The following PIEZO1 variants were observed in gnomAD, a reference collection of about 807,000 sequenced individuals.
PIEZO1 encodes piezo-type mechanosensitive ion channel component 1.
A neutral mutation model predicts 297.2 loss-of-function variants in PIEZO1; 296 were observed. The ratio of observed to expected loss-of-function variants is 1.00; its 90% CI spans 0.91 to 1.10. The LOEUF (loss-of-function observed/expected upper bound fraction) is 1.10. PIEZO1 is among the 50% of genes least tolerant of loss of function. The pLI is 0.00. For synonymous variants in PIEZO1, 2,427 were observed against 1,507.5 expected, an observed-to-expected ratio of 1.61 and a Z score of -14.13; for missense variants, 5,018 against 3,455.5, an observed-to-expected ratio of 1.45 and a Z score of -11.34.
chr16:88,778,952 T>C (rs1907801873), intron 1 of PIEZO1, among the ~76,000 whole-genome samples: 1 of 151,898 alleles, frequency 6.6e-6, no homozygotes, highest in African/African-American at 2.4e-5. Context: ...GCATGGCGCG[T>C]TCACCAGAGG....
intron 31 of PIEZO1, 55 bp downstream of exon 31, chr16:88,723,816 C>T (rs989198416): frequency 3.8e-5 from 37 of 964,730 alleles, no homozygotes; most frequent in Admixed American, 1.0e-4. Context: ...CTGCCCTGGT[C>T]CAGGACCACA....
intron 1 of PIEZO1, among the ~76,000 whole-genome samples, chr16:88,756,709 A>G (rs1245442646): frequency 6.6e-6 from 1 of 152,038 alleles, no homozygotes. Flanking sequence ...TGGAGGTTGC[A>G]GTGAGCTGAG....
chr16:88,756,269 A>C (rs1906648995), intron 1 of PIEZO1, among the ~76,000 whole-genome samples: 1 of 152,286 alleles, frequency 6.6e-6, no homozygotes, highest in Admixed American at 6.5e-5. Flanking sequence ...GCATGGAGGC[A>C]CCTGCCCAAC....
At chr16:88,718,126 A>G (rs1183949217) in intron 44 of PIEZO1, 3 of 197,846 alleles carry the variant, frequency 1.5e-5, no homozygotes, top group Non-Finnish European at 3.1e-5. Flanking sequence ...CCCAGAGAAG[A>G]TACACAAATG....
chr16:88,734,498 G>A lies in PIEZO1; in HGVS notation c.2038C>T (p.Leu680Phe), dbSNP rs1240723649. 3 of 1,548,204 alleles carry A rather than the reference G, an allele frequency of 1.9e-6. No individual in the cohort carries two copies. The Admixed American group carries it at 5.9e-5, about 30-fold the overall frequency. The change falls in exon 16 of 51, where the codon CTC (leucine) becomes TTC (phenylalanine). Residue 680 changes from leucine (L) to phenylalanine (F), a missense_variant. Transcript: ENST00000301015. Reference protein sequence around the residue: ...LGLEQFSVSELFSSILVPGFF... With the variant: ...LGLEQFSVSEFFSSILVPGFF... ...CCGGGCACCAGGATGCTGGAGAAGA[G>A]CTCGGACACGCTGAACTGCTCCAGG...
At chr16:88,764,729 C>T (rs1907091802) in intron 1 of PIEZO1, among the ~76,000 whole-genome samples, 2 of 142,502 alleles carry the variant, frequency 1.4e-5, no homozygotes, top group Admixed American at 7.2e-5. Flanking sequence ...CCAGCCTGGG[C>T]GACAAGAGTG....
chr16:88,723,399 G>T, intron 31 of PIEZO1, 71 bp from the exon 32 acceptor site: 2 of 1,506,870 alleles, frequency 1.3e-6, no homozygotes, highest in Non-Finnish European at 1.8e-6. Flanking sequence ...CTGGGGTTGG[G>T]CAAGCCGGGC....
intron 1 of PIEZO1, among the ~76,000 whole-genome samples, chr16:88,757,557 G>C (rs1906737544): frequency 6.6e-6 from 1 of 152,010 alleles, no homozygotes; most frequent in South Asian, 2.1e-4. Flanking sequence ...CAATGGGCTG[G>C]ACTGAGATCC....
chr16:88,750,553 G>A (rs116568279), intron 1 of PIEZO1, among the ~76,000 whole-genome samples: 281 of 152,298 alleles, frequency 1.8e-3, no homozygotes, highest in African/African-American at 6.1e-3. Flanking sequence ...CTGAGAGTCC[G>A]GCCAGTGCCT....
At chr16:88,721,768 C>T (rs749678048) in intron 37 of PIEZO1, 40 bp downstream of exon 37, 21 of 1,535,176 alleles carry the variant, frequency 1.4e-5, no homozygotes, top group Admixed American at 8.0e-5. Context: ...GGTCACGGCG[C>T]GGTGGGCCGG....
rs1912486321 is a variant in PIEZO1 at position 88,721,892 on chromosome 16, C to T, written c.5130G>A (p.Leu1710=). ...TGGCCCACAGGAAGACGAGCACGGG[C>T]AGCACCAGCGAGCCGGCGGAGGCCG... ...MVTASAGSLV[L]PVLVFLWAML... Residue 1710 remains leucine (L), a synonymous_variant, in exon 37 of 51, where the codon CTG becomes CTA. Coordinates refer to ENST00000301015, the MANE Select transcript of PIEZO1 (RefSeq NM_001142864.4). 3 of 1,550,080 alleles carry T rather than the reference C, an allele frequency of 1.9e-6. No individual in the cohort carries two copies. The highest frequency in any genetic ancestry group is 1.7e-6 in the Non-Finnish European group (2 of 1,146,792).
In PIEZO1 at chr16:88,749,391, G is replaced by A. The variant is rs769010171; in HGVS notation, c.153C>T (p.Gly51=). 1.5e-5 allele frequency: 23 copies of A among 1,505,010 alleles called. No homozygotes were observed. The South Asian group carries it at 1.5e-4, about 10-fold the overall frequency. The allele number at this position is 1,505,010 out of a possible 1,614,324, so 93.2% of individuals were successfully genotyped here. A position where few individuals can be genotyped will look rare whatever the true frequency, so the allele number is the denominator to read the frequency against. ...AGGGTCCCCTGGCCTTACCTTGGAG[G>A]CCGCATCGGGTGGGGCCGGGGAACC... The part of the protein sequence containing the change: ...LPWFPGPTRC[G]LQGHTGRLLR... Residue 51 remains glycine, a synonymous_variant, in exon 2 of 51, where the codon GGC becomes GGT. Transcript: ENST00000301015.
At chr16:88,784,828 T>C (rs1451172397) in intron 1 of PIEZO1, 73 bp downstream of exon 1, 2 of 1,114,722 alleles carry the variant, frequency 1.8e-6, no homozygotes, top group Non-Finnish European at 2.4e-6. Flanking sequence ...GCCGGCGTCG[T>C]CCGGTGTCCA....
chr16:88,781,900 G>C (rs772934229), intron 1 of PIEZO1, among the ~76,000 whole-genome samples: 8 of 152,232 alleles, frequency 5.3e-5, no homozygotes. Flanking sequence ...AGGAGGTGAC[G>C]CCCAGCTTGC....
rs1463090383 is a variant in PIEZO1 at position 88,725,403 on chromosome 16, C to T, written c.4162+13G>A. 1.4e-6 allele frequency: 2 copies of T among 1,419,838 alleles called. No individual in the cohort carries two copies. The highest frequency in any genetic ancestry group is 1.9e-6 in the Non-Finnish European group (2 of 1,077,560). The allele number at this position is 1,419,838 out of a possible 1,614,324, so 88.0% of individuals were successfully genotyped here. A position where few individuals can be genotyped will look rare whatever the true frequency, so the allele number is the denominator to read the frequency against. On this transcript the variant is annotated intron_variant, in intron 29 of 50. Transcript: ENST00000301015. ...ACACGGGGCCCTGGGTGCCCGACTC[C>T]AGCTGCACTCACCTGGCTCCAGGCC...
At chr16:88,781,795 A>C (rs1047839892) in intron 1 of PIEZO1, among the ~76,000 whole-genome samples, 1 of 152,250 alleles carries the variant, frequency 6.6e-6, no homozygotes, top group African/African-American at 2.4e-5. Flanking sequence ...GCCGCCTCCC[A>C]GGAGTGGTGA....
intron 27 of PIEZO1, 143 bp downstream of exon 27, chr16:88,726,141 T>C (rs1332944328): frequency 4.4e-6 from 3 of 678,546 alleles, no homozygotes; most frequent in Admixed American, 3.0e-5. Flanking sequence ...CGGCCTTCAT[T>C]CTCCCTCTAG....
At chr16:88,749,639 A>G (rs544382274) in intron 1 of PIEZO1, among the ~76,000 whole-genome samples, 160 bp from the exon 2 acceptor site, 190 of 152,332 alleles carry the variant, frequency 1.2e-3, no homozygotes, top group African/African-American at 4.4e-3. Context: ...GCGCTTCCGT[A>G]CATATCTCAC....
Position 88,732,751 on chromosome 16 carries a change from TCAGTGCCCCCTCCCAGGCCA to T in PIEZO1, c.2665-39_2665-20del. The T allele has an allele frequency of 1.3e-6, 2 of 1,531,292 alleles. No individual in the cohort carries two copies. Among genetic ancestry groups the T allele is most frequent in the African/African-American group, 1.4e-5 (1 of 72,886 alleles). The allele number at this position is 1,531,292 out of a possible 1,614,324, so 94.9% of individuals were successfully genotyped here. ...GGAAGGGCTGGCAAGAGGCCAGGCATCAGTGCCCCCTCCCAGGCCACAGTGCCCCCTGGCCCTGCCCGGAG... is the reference window on the plus strand; with the variant it reads ...GGAAGGGCTGGCAAGAGGCCAGGCATCAGTGCCCCCTGGCCCTGCCCGGAG... On this transcript the variant is annotated intron_variant, in intron 19 of 50. Coordinates refer to ENST00000301015, the MANE Select transcript of PIEZO1 (RefSeq NM_001142864.4).
Sources: allele counts gnomAD v4.1 joint callset (sites outside exome capture counted in the v4.1 genomes callset), GRCh38; gene constraint gnomAD v4.1.1; transcripts MANE v1.5; gene names NCBI Gene and HGNC (gene_info 2026-07-23, HGNC 2026-07-21).